The following MAML2 variants were observed in gnomAD, a reference collection of about 807,000 sequenced individuals.
MAML2 encodes the protein mastermind-like protein 2.
In MAML2, 22 loss-of-function variants were observed where a neutral mutation model predicts 96.1. That is an observed-to-expected ratio of 0.23 (90% confidence interval 0.16 to 0.33). MAML2 has a LOEUF of 0.33. Among genes scored for constraint, MAML2 ranks in the 10% least tolerant of loss-of-function variants. The pLI is 1.00. For synonymous variants in MAML2, 561 were observed against 521.3 expected, an observed-to-expected ratio of 1.08 and a Z score of -1.04; for missense variants, 1,367 against 1,392.4, an observed-to-expected ratio of 0.98 and a Z score of 0.29.
At chr11:96,188,678 G>A (rs550575660) in intron 1 of MAML2, among the ~76,000 whole-genome samples, 1 of 151,644 alleles carries the variant, frequency 6.6e-6, no homozygotes, top group South Asian at 2.1e-4. Flanking sequence ...TAATGAAAAC[G>A]TGAGTGGTAG....
intron 4 of MAML2, among the ~76,000 whole-genome samples, chr11:95,984,167 C>G (rs113118848): frequency 2.6e-5 from 4 of 152,324 alleles, no homozygotes; most frequent in African/African-American, 9.6e-5. Context: ...AGTCATCACA[C>G]TAACATGCTG....
chr11:96,214,192 A>T (rs1862015429), intron 1 of MAML2, among the ~76,000 whole-genome samples: 1 of 152,252 alleles, frequency 6.6e-6, no homozygotes, highest in Non-Finnish European at 1.5e-5. Flanking sequence ...ATAATAAAAA[A>T]TGAATACTTC....
chr11:96,106,528 C>T (rs1459171024), intron 1 of MAML2, among the ~76,000 whole-genome samples: 1 of 152,204 alleles, frequency 6.6e-6, no homozygotes, highest in East Asian at 1.9e-4. Context: ...AAGGAAATAT[C>T]CACCCATTCT....
intron 1 of MAML2, among the ~76,000 whole-genome samples, chr11:96,222,844 T>C (rs1341420502): frequency 6.6e-6 from 1 of 152,208 alleles, no homozygotes; most frequent in African/African-American, 2.4e-5. Flanking sequence ...GTTTTATTTT[T>C]ATAAAAATAT....
chr11:96,251,004 G>A (rs1862575082), intron 1 of MAML2, among the ~76,000 whole-genome samples: 1 of 123,150 alleles, frequency 8.1e-6, no homozygotes, highest in Non-Finnish European at 1.7e-5. Context: ...ATGGTAAGGG[G>A]TGAGGGAGAA....
chr11:96,167,613 A>G (rs1312688220), intron 1 of MAML2, among the ~76,000 whole-genome samples: 1 of 152,146 alleles, frequency 6.6e-6, no homozygotes, highest in Non-Finnish European at 1.5e-5. Flanking sequence ...TGCCAAAACA[A>G]ATTATTTGTA....
rs16923412 is a variant in MAML2, at chr11:96,242,610, G to C, written c.513+98773C>G. Among the ~76,000 whole-genome samples, 1,988 of 152,182 alleles carry C rather than the reference G, an allele frequency of 0.013. 91 individuals are homozygous for C. In the South Asian group the frequency reaches 0.16, roughly 12 times the overall value. ...AGGCTGAAACAGAGCATTTCATTTGGCTCAGTTCATGAAAGCCATCTGCAC... is the reference window on the plus strand; with the variant it reads ...AGGCTGAAACAGAGCATTTCATTTGCCTCAGTTCATGAAAGCCATCTGCAC... On this transcript the variant is annotated intron_variant, in intron 1 of 4. Transcript: ENST00000524717.
chr11:96,111,959 A>AG (rs928642299), intron 1 of MAML2, among the ~76,000 whole-genome samples: 8 of 151,662 alleles, frequency 5.3e-5, no homozygotes, highest in African/African-American at 1.9e-4. Context: ...TTCTAAAAAA[A>AG]AAAGAAAGTT....
intron 1 of MAML2, among the ~76,000 whole-genome samples, chr11:96,326,500 A>G (rs1204431970): frequency 6.6e-6 from 1 of 151,950 alleles, no homozygotes; most frequent in Non-Finnish European, 1.5e-5. Context: ...AGTCTTAAAA[A>G]CTATCTCGAG....
intron 1 of MAML2, among the ~76,000 whole-genome samples, chr11:96,294,310 C>A (rs1335193580): frequency 2.1e-5 from 3 of 140,166 alleles, no homozygotes; most frequent in Non-Finnish European, 3.2e-5. Flanking sequence ...TCAAAGGTAA[C>A]CCATTGTAAA....
chr11:96,233,344 C>T (rs1862322498), intron 1 of MAML2, among the ~76,000 whole-genome samples: 1 of 56,488 alleles, frequency 1.8e-5, no homozygotes, highest in Non-Finnish European at 3.3e-5. Flanking sequence ...TTTAAAAATG[C>T]AACATTTATG....
intron 1 of MAML2, among the ~76,000 whole-genome samples, chr11:96,252,126 T>A (rs1218601846): frequency 6.6e-6 from 1 of 151,994 alleles, no homozygotes; most frequent in Non-Finnish European, 1.5e-5. Context: ...CTTTTTCCCA[T>A]AAAATTACAC....
intron 1 of MAML2, among the ~76,000 whole-genome samples, chr11:96,327,912 G>A (rs1456992051): frequency 5.9e-5 from 9 of 151,592 alleles, no homozygotes; most frequent in African/African-American, 4.8e-5. Flanking sequence ...CCTGGCCAAC[G>A]AGGTGAAACC....
intron 1 of MAML2, among the ~76,000 whole-genome samples, chr11:96,231,597 T>C (rs543770673): frequency 6.6e-6 from 1 of 152,266 alleles, no homozygotes; most frequent in East Asian, 1.9e-4. Context: ...TGAAAGAGAA[T>C]AGGACTTGAC....
intron 1 of MAML2, among the ~76,000 whole-genome samples, chr11:96,317,025 A>T (rs1216878814): frequency 6.6e-6 from 1 of 152,122 alleles, no homozygotes; most frequent in East Asian, 1.9e-4. Context: ...CTTGGCGCTC[A>T]TTATCTTGCC....
intron 1 of MAML2, among the ~76,000 whole-genome samples, chr11:96,298,316 G>A (rs1237467689): frequency 6.6e-6 from 1 of 152,236 alleles, no homozygotes; most frequent in East Asian, 1.9e-4. Context: ...GTTCTTTGCA[G>A]AGAAACAGTG....
intron 1 of MAML2, among the ~76,000 whole-genome samples, chr11:96,122,125 T>C (rs1032535862): frequency 1.3e-5 from 2 of 151,934 alleles, no homozygotes; most frequent in African/African-American, 4.8e-5. Context: ...CTGCTATGAT[T>C]TTAACTGGCC....
intron 2 of MAML2, among the ~76,000 whole-genome samples, chr11:96,044,485 T>C (rs1175566716): frequency 6.6e-6 from 1 of 152,202 alleles, no homozygotes; most frequent in Admixed American, 6.5e-5. Flanking sequence ...GTATATATTA[T>C]GTCCCAGGCA....
At chr11:96,011,187 C>A (rs1674082893) in intron 2 of MAML2, among the ~76,000 whole-genome samples, 1 of 152,146 alleles carries the variant, frequency 6.6e-6, no homozygotes, top group African/African-American at 2.4e-5. Context: ...AAAAATAGAA[C>A]TACCATTTGA....
Sources: gnomAD v4.1 joint callset for allele counts (sites outside exome capture counted in the v4.1 genomes callset) on GRCh38, gnomAD v4.1.1 for gene constraint, MANE v1.5 for transcripts, NCBI Gene and HGNC (gene_info 2026-07-23, HGNC 2026-07-21) for gene names.